The following ADAM10 variants were observed in gnomAD, a reference collection of about 807,000 sequenced individuals.
The protein encoded by ADAM10 is ADAM metallopeptidase domain 10.
ADAM10 carries 17 observed loss-of-function variants against 90.1 expected under a neutral mutation model. The observed-to-expected ratio is 0.19, with a 90% CI of 0.13 to 0.28. ADAM10 has a LOEUF of 0.28. ADAM10 is among the 10% of genes least tolerant of loss of function. The pLI is 1.00. For missense variants in ADAM10, 610 were observed against 914.3 expected (o/e 0.67, Z 4.29); for synonymous variants, 310 against 298.6 (o/e 1.04, Z -0.40).
Position 58,749,699 on chromosome 15 carries a change from G to A in ADAM10, c.-165C>T, listed in dbSNP as rs1417473465. On this transcript the variant is annotated 5_prime_UTR_variant, in exon 1 of 16. Coordinates refer to ENST00000260408, the MANE Select transcript of ADAM10 (RefSeq NM_001110.4). ...ACCTCCCTCTCGCTCCACTTCAGGG[G>A]CCGGCAACGCTCCTAGCTCCTCCAA... is the stretch of plus-strand genomic sequence containing the variant. 1.4e-6 allele frequency: 2 copies of A among 1,426,726 alleles called. No homozygotes were observed. Among genetic ancestry groups the A allele is most frequent in the Non-Finnish European group, 1.9e-6 (2 of 1,079,188 alleles). 88.4% of individuals were successfully genotyped at this position (1,426,726 alleles called of 1,614,324 possible). A position where few individuals can be genotyped will look rare whatever the true frequency, so the allele number is the denominator to read the frequency against.
intron 1 of ADAM10, among the ~76,000 whole-genome samples, chr15:58,729,152 G>A (rs1317024735): frequency 6.6e-6 from 1 of 151,762 alleles, no homozygotes; most frequent in East Asian, 1.9e-4. Context: ...GAGCCCAGGA[G>A]TTTGAAACCA....
At chr15:58,613,769 A>T (rs1454709722) in intron 11 of ADAM10, among the ~76,000 whole-genome samples, 13 of 152,162 alleles carry the variant, frequency 8.5e-5, no homozygotes, top group Non-Finnish European at 1.8e-4. Context: ...AAAAAGGAAG[A>T]AAGTCTATAA....
intron 4 of ADAM10, among the ~76,000 whole-genome samples, chr15:58,677,891 C>G (rs1897332458): frequency 6.6e-6 from 1 of 152,064 alleles, no homozygotes; most frequent in African/African-American, 2.4e-5. Context: ...AACTTACATA[C>G]CCTGATAGGG....
intron 9 of ADAM10, among the ~76,000 whole-genome samples, chr15:58,632,958 C>T (rs796153328): frequency 1.7e-4 from 26 of 152,256 alleles, no homozygotes; most frequent in African/African-American, 6.0e-4. Context: ...TCTGAATAAG[C>T]CAGATGAAAT....
rs377202525 is a variant in ADAM10 at position 58,709,054 on chromosome 15, T to A, written c.206+8523A>T. 2.6e-5 allele frequency among the ~76,000 whole-genome samples: 4 copies of A among 152,316 alleles called. No individual in the cohort carries two copies. In the East Asian group the frequency reaches 5.8e-4, roughly 22 times the overall value. On this transcript the variant is annotated intron_variant, in intron 2 of 15. Coordinates refer to ENST00000260408, the MANE Select transcript of ADAM10 (RefSeq NM_001110.4). ...AATACAAGGTTTCCCTGATGCTTAATAAAACACACCAAACAAGCATATTCA... is the reference window on the plus strand; with the variant it reads ...AATACAAGGTTTCCCTGATGCTTAAAAAAACACACCAAACAAGCATATTCA...
At chr15:58,600,034 G>A (rs1895066584) in intron 14 of ADAM10, among the ~76,000 whole-genome samples, 1 of 151,844 alleles carries the variant, frequency 6.6e-6, no homozygotes, top group African/African-American at 2.4e-5. Flanking sequence ...TACAAAACTG[G>A]GGTCATCTTG....
chr15:58,666,713 G>C (rs1283392732), intron 4 of ADAM10, among the ~76,000 whole-genome samples: 1 of 151,940 alleles, frequency 6.6e-6, no homozygotes, highest in Non-Finnish European at 1.5e-5. Context: ...TTAAAACATT[G>C]GGATTTTAAA....
At chr15:58,609,694 T>C (rs774695067) in intron 14 of ADAM10, 5 of 154,606 alleles carry the variant, frequency 3.2e-5, no homozygotes, top group African/African-American at 4.8e-5. Context: ...AACACTTAAG[T>C]TGAGATAGTC....
chr15:58,697,330 C>G (rs750993087), intron 2 of ADAM10, among the ~76,000 whole-genome samples: 6 of 152,130 alleles, frequency 3.9e-5, no homozygotes, highest in Non-Finnish European at 8.8e-5. Context: ...GAAAGCAACC[C>G]TTCCCTCCCC....
chr15:58,611,934 C>G lies in ADAM10; in HGVS notation c.1569G>C (p.Lys523Asn). The G allele has an allele frequency of 6.2e-7, 1 of 1,614,180 alleles. No individual in the cohort carries two copies. Among genetic ancestry groups the G allele is most frequent in the Non-Finnish European group, 8.5e-7 (1 of 1,180,024 alleles). ...TTGCACAGTCTGAATCATCCCGACA[C>G]TTCTCAGACTTTGACTTGAATGCAC... ...AQCAFKSKSEKCRDDSDCARE... is the reference protein window; with the variant it reads ...AQCAFKSKSENCRDDSDCARE... Residue 523 changes from lysine (K) to asparagine (N), a missense_variant, in exon 12 of 16, where the codon AAG becomes AAC. Physicochemically the swap from Lys to Asn is moderately conservative, Grantham distance 94. Coordinates refer to ENST00000260408, the MANE Select transcript of ADAM10 (RefSeq NM_001110.4).
intron 1 of ADAM10, among the ~76,000 whole-genome samples, chr15:58,722,264 C>A (rs1166491527): frequency 6.6e-6 from 1 of 151,886 alleles, no homozygotes; most frequent in East Asian, 1.9e-4. Context: ...ATCACTTGAA[C>A]CCGGAAGGTG....
intron 3 of ADAM10, among the ~76,000 whole-genome samples, chr15:58,681,915 CAGA>C (rs1291641255): frequency 6.6e-6 from 1 of 152,102 alleles, no homozygotes; most frequent in Non-Finnish European, 1.5e-5. Context: ...CAGAAAATTA[CAGA>C]AGTCGTTAAA....
intron 9 of ADAM10, among the ~76,000 whole-genome samples, chr15:58,629,982 C>T (rs941987011): frequency 3.3e-5 from 5 of 152,066 alleles, no homozygotes; most frequent in African/African-American, 7.2e-5. Flanking sequence ...CCATGTTGCC[C>T]AGGCTGGTCT....
intron 14 of ADAM10, among the ~76,000 whole-genome samples, chr15:58,600,356 T>C (rs983670018): frequency 3.3e-5 from 5 of 152,226 alleles, no homozygotes; most frequent in Admixed American, 6.5e-5. Flanking sequence ...TTAACCTACA[T>C]TGCTTTCTAA....
At chr15:58,643,508 T>C (rs969748897) in intron 7 of ADAM10, among the ~76,000 whole-genome samples, 7 of 152,174 alleles carry the variant, frequency 4.6e-5, no homozygotes, top group East Asian at 1.9e-4. Flanking sequence ...AAATGGAACA[T>C]ACAGTGAAAA....
intron 9 of ADAM10, among the ~76,000 whole-genome samples, 155 bp downstream of exon 9, chr15:58,633,041 T>A (rs1896145965): frequency 6.6e-6 from 1 of 152,206 alleles, no homozygotes; most frequent in South Asian, 2.1e-4. Context: ...TCTATCTTCC[T>A]CCCTTTCAGT....
intron 5 of ADAM10, among the ~76,000 whole-genome samples, chr15:58,659,417 T>G (rs192859155): frequency 6.6e-6 from 1 of 152,176 alleles, no homozygotes; most frequent in Non-Finnish European, 1.5e-5. Context: ...TAGTTTGCCA[T>G]GTGTTGAGTG....
intron 14 of ADAM10, among the ~76,000 whole-genome samples, chr15:58,602,534 G>T (rs776965156): frequency 6.6e-6 from 1 of 151,920 alleles, no homozygotes; most frequent in Non-Finnish European, 1.5e-5. Context: ...ACCTTGCTTG[G>T]GCTCACCTAA....
intron 8 of ADAM10, among the ~76,000 whole-genome samples, chr15:58,636,276 CAAAAA>C (rs1188741361): frequency 2.4e-5 from 2 of 83,574 alleles, no homozygotes; most frequent in African/African-American, 7.7e-5. Flanking sequence ...GACTTCGTTT[CAAAAA>C]AAAAAAAAAA....
Sources: allele counts gnomAD v4.1 joint callset (sites outside exome capture counted in the v4.1 genomes callset), GRCh38; gene constraint gnomAD v4.1.1; transcripts MANE v1.5; gene names NCBI Gene and HGNC (gene_info 2026-07-23, HGNC 2026-07-21).